CLASP2: variants seen among roughly 807,000 people sequenced by gnomAD.
The protein encoded by CLASP2 is cytoplasmic linker associated protein 2, also known as CLIP-associating protein 2.
In CLASP2, 47 loss-of-function variants were observed where a neutral mutation model predicts 194.4. That is an observed-to-expected ratio of 0.24 (90% CI 0.19 to 0.31). CLASP2 has a LOEUF of 0.31. CLASP2 is among the 10% of genes least tolerant of loss of function. The pLI is 1.00. For missense variants in CLASP2, 1,445 were observed against 1,823.6 expected (o/e 0.79, Z 3.78); for synonymous variants, 619 against 633.5 (o/e 0.98, Z 0.34).
chr3:33,683,602 T>C (rs1454677722), intron 6 of CLASP2: 1 of 152,258 alleles, frequency 6.6e-6, no homozygotes, highest in East Asian at 1.9e-4. Flanking sequence ...AGCCAGACCC[T>C]GTCTCAAAAA....
At chr3:33,608,692 T>G in intron 13 of CLASP2, 66 bp from the exon 14 acceptor site, 1 of 994,458 alleles carries the variant, frequency 1.0e-6, no homozygotes, top group East Asian at 2.7e-5. Context: ...CTTTCTTTTA[T>G]ACTACTACAC....
At chr3:33,632,500 A>C (rs2079272804) in intron 8 of CLASP2, 129 bp from the exon 9 acceptor site, 1 of 676,072 alleles carries the variant, frequency 1.5e-6, no homozygotes, top group East Asian at 2.9e-5. Flanking sequence ...CCATTTTATA[A>C]GAAAGCATTT....
chr3:33,714,269 G>C (rs1478164110), intron 1 of CLASP2, among the ~76,000 whole-genome samples: 1 of 152,128 alleles, frequency 6.6e-6, no homozygotes, highest in African/African-American at 2.4e-5. Context: ...TTGCAGGACT[G>C]TTCTTAGTAA....
chr3:33,617,692 A>G (rs564490574), intron 12 of CLASP2, among the ~76,000 whole-genome samples: 1 of 152,090 alleles, frequency 6.6e-6, no homozygotes, highest in Non-Finnish European at 1.5e-5. Flanking sequence ...TGATATATAA[A>G]AAGATCTTAG....
chr3:33,662,746 A>G (rs2085490190), intron 7 of CLASP2, among the ~76,000 whole-genome samples: 1 of 152,212 alleles, frequency 6.6e-6, no homozygotes, highest in Non-Finnish European at 1.5e-5. Context: ...TAGGTGGAAA[A>G]GCAACCTATA....
intron 8 of CLASP2, among the ~76,000 whole-genome samples, chr3:33,635,047 T>C (rs1013861037): frequency 3.3e-5 from 5 of 151,840 alleles, no homozygotes; most frequent in Non-Finnish European, 5.9e-5. Context: ...AGCTCAGGAA[T>C]TTGGGACCAG....
chr3:33,545,419 T>C (rs181039492), intron 30 of CLASP2, among the ~76,000 whole-genome samples: 107 of 152,294 alleles, frequency 7.0e-4, no homozygotes, highest in Non-Finnish European at 1.3e-3. Context: ...TCACATGACT[T>C]GTATCCAAAT....
At chr3:33,686,678 G>A (rs2090717578) in intron 5 of CLASP2, among the ~76,000 whole-genome samples, 1 of 152,090 alleles carries the variant, frequency 6.6e-6, no homozygotes, top group Non-Finnish European at 1.5e-5. Context: ...CTGTTAAGTA[G>A]GGTTCTTACA....
intron 1 of CLASP2, among the ~76,000 whole-genome samples, chr3:33,705,598 A>G (rs868795279): frequency 1.3e-5 from 2 of 152,240 alleles, no homozygotes; most frequent in South Asian, 2.1e-4. Context: ...ACTCAATTAC[A>G]CATATATGAG....
At chr3:33,505,751 T>TG (rs1169198384) in intron 37 of CLASP2, among the ~76,000 whole-genome samples, 1 of 152,220 alleles carries the variant, frequency 6.6e-6, no homozygotes, top group African/African-American at 2.4e-5. Flanking sequence ...TTCAATGAGA[T>TG]GCCACCTAAA....
chr3:33,644,928 AT>A, intron 7 of CLASP2, 25 bp from the exon 8 acceptor site: 1 of 1,567,394 alleles, frequency 6.4e-7, no homozygotes, highest in African/African-American at 1.4e-5. Context: ...AGAAAAATGT[AT>A]TTAAGAGAAC....
intron 7 of CLASP2, among the ~76,000 whole-genome samples, chr3:33,656,022 T>C (rs934225526): frequency 6.6e-5 from 10 of 152,310 alleles, no homozygotes; most frequent in African/African-American, 2.4e-4. Context: ...ATAATAATCC[T>C]ACAGGTTTTT....
chr3:33,655,409 T>A lies in CLASP2; in HGVS notation c.715+8036A>T, dbSNP rs559099963. On this transcript the variant is annotated intron_variant, in intron 7 of 38. Coordinates refer to ENST00000682230, the MANE Select transcript of CLASP2 (RefSeq NM_001365631.1). ...ATGGTTGTACAACACCTTCAATGGC[T>A]ACAGCAGGAAGGTACCATAGGGTGG... Among the ~76,000 whole-genome samples the A allele has an allele frequency of 6.6e-5, 10 of 152,308 alleles. No homozygotes were observed. In the East Asian group the frequency reaches 1.9e-3, roughly 29 times the overall value.
intron 37 of CLASP2, chr3:33,502,332 T>C (rs945702066): frequency 7.9e-5 from 12 of 152,388 alleles, no homozygotes; most frequent in African/African-American, 1.7e-4. Context: ...TAATTGTATA[T>C]ATTTATGGGG....
intron 1 of CLASP2, among the ~76,000 whole-genome samples, chr3:33,704,640 C>T (rs1272150114): frequency 6.6e-6 from 1 of 152,002 alleles, no homozygotes; most frequent in Non-Finnish European, 1.5e-5. Context: ...GTAGTCCCAG[C>T]TACTTGGGAG....
intron 23 of CLASP2, among the ~76,000 whole-genome samples, chr3:33,579,949 T>C (rs939783678): frequency 1.3e-5 from 2 of 152,226 alleles, no homozygotes; most frequent in Non-Finnish European, 2.9e-5. Flanking sequence ...TCCATGAGGA[T>C]GCACCACGTA....
intron 8 of CLASP2, among the ~76,000 whole-genome samples, chr3:33,633,807 G>T (rs902684007): frequency 6.6e-6 from 1 of 152,036 alleles, no homozygotes; most frequent in Non-Finnish European, 1.5e-5. Flanking sequence ...AGAGCTAGAA[G>T]ATATACCTGA....
chr3:33,559,847 T>C (rs902387816), intron 28 of CLASP2, among the ~76,000 whole-genome samples: 1 of 152,004 alleles, frequency 6.6e-6, no homozygotes, highest in African/African-American at 2.4e-5. Context: ...TGAGCCGAGA[T>C]TGCGCCATTG....
chr3:33,594,650 A>T (rs1390868479), intron 20 of CLASP2, among the ~76,000 whole-genome samples: 1 of 151,760 alleles, frequency 6.6e-6, no homozygotes, highest in Admixed American at 6.6e-5. Flanking sequence ...TAATGTCACT[A>T]CTATAAAAAA....
Sources: gnomAD v4.1 joint callset for allele counts (sites outside exome capture counted in the v4.1 genomes callset) on GRCh38, gnomAD v4.1.1 for gene constraint, MANE v1.5 for transcripts, NCBI Gene and HGNC (gene_info 2026-07-23, HGNC 2026-07-21) for gene names.